Variants in EPHA3 observed in about 807,000 individuals in gnomAD.
EPHA3 encodes the protein ephrin type-A receptor 3.
In EPHA3, 42 loss-of-function variants were observed where a neutral mutation model predicts 107.1. The ratio of observed to expected loss-of-function variants is 0.39; its 90% CI spans 0.31 to 0.51. EPHA3 has a LOEUF of 0.51. Ranked by LOEUF, EPHA3 falls within the 20% of genes least tolerant of loss-of-function variation. The probability of loss-of-function intolerance (pLI) is 0.78; values close to 1 mark genes in which losing one functional copy is unlikely to be tolerated. For synonymous variants in EPHA3, 461 were observed against 424.8 expected (o/e 1.09, Z -1.05); for missense variants, 1,183 against 1,211.2 (o/e 0.98, Z 0.35).
intron 2 of EPHA3, among the ~76,000 whole-genome samples, chr3:89,189,517 C>T (rs1260517728): frequency 6.6e-6 from 1 of 152,126 alleles, no homozygotes; most frequent in Non-Finnish European, 1.5e-5. Flanking sequence ...TGCTTGAACC[C>T]AGGAGGCGGA....
In EPHA3 at chr3:89,390,854, T is replaced by C. The variant is rs531634709; in HGVS notation, c.1307-4983T>C. Among the ~76,000 whole-genome samples, 356 of 150,264 alleles carry C rather than the reference T, an allele frequency of 2.4e-3. 1 individual carries two copies. The highest frequency in any genetic ancestry group is 8.2e-3 in the African/African-American group (333 of 40,764). ...GGCTGGAGTGCAATGACATGCAATC[T>C]CTGCTCACTTGCAACCTCCGCCTCC... On this transcript the variant is annotated intron_variant, in intron 5 of 16. Transcript: ENST00000336596.
At chr3:89,476,660 T>A (rs572939031) in intron 16 of EPHA3, among the ~76,000 whole-genome samples, 1 of 151,146 alleles carries the variant, frequency 6.6e-6, no homozygotes, top group Non-Finnish European at 1.5e-5. Flanking sequence ...CAGGCTGGAG[T>A]GCAGTGGCGC....
chr3:89,158,127 T>C (rs1233217522), intron 2 of EPHA3, among the ~76,000 whole-genome samples: 1 of 152,172 alleles, frequency 6.6e-6, no homozygotes, highest in Non-Finnish European at 1.5e-5. Flanking sequence ...ACACATTCTA[T>C]TATAATTTTG....
chr3:89,374,286 CAGAATCATCTGAA>C (rs139238229), intron 5 of EPHA3, among the ~76,000 whole-genome samples: 2,326 of 151,930 alleles, frequency 0.015, 43 homozygotes, highest in African/African-American at 0.053. Flanking sequence ...TAGATTTTTG[CAGAATCATCTGAA>C]AACGTCATGA....
intron 3 of EPHA3, among the ~76,000 whole-genome samples, chr3:89,242,639 A>G (rs1194204897): frequency 3.3e-5 from 5 of 151,782 alleles, no homozygotes; most frequent in African/African-American, 1.2e-4. Context: ...GGGTTTCACC[A>G]TGTTAGCCAG....
chr3:89,216,142 GTTTA>G (rs573137770), intron 3 of EPHA3, among the ~76,000 whole-genome samples: 5 of 151,908 alleles, frequency 3.3e-5, no homozygotes, highest in Non-Finnish European at 7.4e-5. Context: ...CCATTAAGCA[GTTTA>G]TTTGTTTGAG....
At chr3:89,203,551 A>G (rs1336986646) in intron 2 of EPHA3, among the ~76,000 whole-genome samples, 1 of 151,830 alleles carries the variant, frequency 6.6e-6, no homozygotes, top group East Asian at 1.9e-4. Context: ...AGGCGGGCAG[A>G]TCACGCGGTC....
At chr3:89,172,058 C>A (rs993406847) in intron 2 of EPHA3, among the ~76,000 whole-genome samples, 1 of 152,112 alleles carries the variant, frequency 6.6e-6, no homozygotes, top group Non-Finnish European at 1.5e-5. Context: ...CCCACCACCC[C>A]CTTTACGTCT....
intron 1 of EPHA3, among the ~76,000 whole-genome samples, chr3:89,109,030 A>T (rs1707038127): frequency 6.6e-6 from 1 of 152,134 alleles, no homozygotes; most frequent in African/African-American, 2.4e-5. Flanking sequence ...TAAAAACAAA[A>T]TACTTAGAAA....
At chr3:89,193,362 A>G (rs894501939) in intron 2 of EPHA3, among the ~76,000 whole-genome samples, 3 of 152,052 alleles carry the variant, frequency 2.0e-5, no homozygotes, top group South Asian at 2.1e-4. Context: ...TGGCATTACC[A>G]TGGGAACAAT....
intron 1 of EPHA3, among the ~76,000 whole-genome samples, chr3:89,110,836 G>T (rs139691886): frequency 1.3e-5 from 2 of 152,082 alleles, no homozygotes; most frequent in African/African-American, 4.8e-5. Context: ...ATCAACTGTG[G>T]TTACTTCAAC....
chr3:89,399,983 G>A (rs1430508851), intron 7 of EPHA3: 8 of 1,044,118 alleles, frequency 7.7e-6, no homozygotes, highest in Non-Finnish European at 9.2e-6. Context: ...TGAATAGCCT[G>A]TTCCTTTAAC....
chr3:89,207,866 C>T (rs1033630335), intron 2 of EPHA3, among the ~76,000 whole-genome samples: 1 of 152,058 alleles, frequency 6.6e-6, no homozygotes, highest in African/African-American at 2.4e-5. Flanking sequence ...TTTTGTGCTC[C>T]ATACTACAGT....
chr3:89,160,129 G>A (rs368603994), intron 2 of EPHA3, among the ~76,000 whole-genome samples: 3 of 152,106 alleles, frequency 2.0e-5, no homozygotes, highest in South Asian at 4.1e-4. Flanking sequence ...CTTACATTCC[G>A]TTAGGAGAAG....
intron 3 of EPHA3, among the ~76,000 whole-genome samples, chr3:89,277,138 G>A (rs1705826539): frequency 1.3e-5 from 2 of 152,108 alleles, no homozygotes; most frequent in Admixed American, 6.6e-5. Context: ...CCTAGGAATA[G>A]TTTAATATGA....
At chr3:89,446,687 C>A (rs1029897334) in intron 13 of EPHA3, among the ~76,000 whole-genome samples, 2 of 147,652 alleles carry the variant, frequency 1.4e-5, no homozygotes, top group Non-Finnish European at 3.0e-5. Context: ...ATAGAAAGGG[C>A]TTTTTTTTTT....
At chr3:89,372,265 G>A (rs1708321538) in intron 5 of EPHA3, among the ~76,000 whole-genome samples, 1 of 151,588 alleles carries the variant, frequency 6.6e-6, no homozygotes, top group Non-Finnish European at 1.5e-5. Flanking sequence ...AGCTTCACTA[G>A]TCATGACCTA....
At chr3:89,312,663 A>C (rs1217781642) in intron 3 of EPHA3, among the ~76,000 whole-genome samples, 1 of 151,882 alleles carries the variant, frequency 6.6e-6, no homozygotes, top group Non-Finnish European at 1.5e-5. Context: ...AGTTTGTTGA[A>C]CAGATTATTT....
At chr3:89,429,577 A>C (rs1709522522) in intron 12 of EPHA3, among the ~76,000 whole-genome samples, 1 of 152,188 alleles carries the variant, frequency 6.6e-6, no homozygotes, top group Admixed American at 6.6e-5. Context: ...CAGTGCTGTC[A>C]GAAAATAAGC....
Sources: gnomAD v4.1 joint callset for allele counts (sites outside exome capture counted in the v4.1 genomes callset) on GRCh38, gnomAD v4.1.1 for gene constraint, MANE v1.5 for transcripts, NCBI Gene and HGNC (gene_info 2026-07-23, HGNC 2026-07-21) for gene names.